Variants in SOX6 observed in about 807,000 individuals in gnomAD.
The protein encoded by SOX6 is SRY-box transcription factor 6, also known as transcription factor SOX-6.
A neutral mutation model predicts 97.8 loss-of-function variants in SOX6; 11 were observed. The ratio of observed to expected loss-of-function variants is 0.11; its 90% CI spans 0.07 to 0.19. The LOEUF (loss-of-function observed/expected upper bound fraction) is 0.19. SOX6 is among the 10% of genes least tolerant of loss of function. The probability of loss-of-function intolerance (pLI) is 1.00; values close to 1 mark genes in which losing one functional copy is unlikely to be tolerated. For missense variants in SOX6, 810 were observed against 1,039.5 expected (o/e 0.78, Z 3.04); for synonymous variants, 360 against 371.4 (o/e 0.97, Z 0.35).
At chr11:16,416,428 G>T (rs7945099) in intron 1 of SOX6, among the ~76,000 whole-genome samples, 6 of 151,866 alleles carry the variant, frequency 4.0e-5, no homozygotes, top group African/African-American at 1.2e-4. Flanking sequence ...ACATTTTAGA[G>T]GATTCCACTA....
intron 4 of SOX6, among the ~76,000 whole-genome samples, chr11:16,546,847 T>C (rs1467264508): frequency 6.6e-6 from 1 of 152,128 alleles, no homozygotes; most frequent in Non-Finnish European, 1.5e-5. Context: ...GGAGAAAATA[T>C]TTGCAAACTA....
chr11:16,237,857 GT>G (rs1170800488), intron 3 of SOX6, among the ~76,000 whole-genome samples: 1 of 151,896 alleles, frequency 6.6e-6, no homozygotes, highest in Non-Finnish European at 1.5e-5. Flanking sequence ...CAAGTTTAAT[GT>G]CTTTAAGTTG....
At chr11:16,055,612 T>C (rs1847794874) in intron 10 of SOX6, 140 bp downstream of exon 10, 1 of 966,578 alleles carries the variant, frequency 1.0e-6, no homozygotes, top group Non-Finnish European at 1.6e-6. Context: ...AATTATGAAA[T>C]TTACCATAAA....
At chr11:16,603,805 G>T (rs1848299633) in intron 4 of SOX6, among the ~76,000 whole-genome samples, 1 of 152,038 alleles carries the variant, frequency 6.6e-6, no homozygotes, top group Non-Finnish European at 1.5e-5. Context: ...GATAAAATAG[G>T]AAGAGAAGAA....
At chr11:16,108,884 C>T (rs1590201810) in intron 7 of SOX6, among the ~76,000 whole-genome samples, 3 of 152,234 alleles carry the variant, frequency 2.0e-5, no homozygotes, top group African/African-American at 7.2e-5. Context: ...ACTGTCTTAA[C>T]ATGGATTCAG....
chr11:16,046,434 T>C (rs1389187078), intron 12 of SOX6, 80 bp downstream of exon 12: 33 of 1,501,912 alleles, frequency 2.2e-5, no homozygotes, highest in Non-Finnish European at 3.0e-5. Context: ...TGCAGGTTGA[T>C]ACCTGGGAGC....
chr11:16,374,878 C>T (rs946122522), intron 1 of SOX6, among the ~76,000 whole-genome samples: 1 of 152,024 alleles, frequency 6.6e-6, no homozygotes, highest in Non-Finnish European at 1.5e-5. Context: ...TCTTTCCCAT[C>T]TCACTCTTCA....
intron 3 of SOX6, among the ~76,000 whole-genome samples, chr11:16,280,066 T>C (rs1854509376): frequency 6.6e-6 from 1 of 152,078 alleles, no homozygotes; most frequent in South Asian, 2.1e-4. Context: ...AATGACTTAA[T>C]CAAAAAAGGC....
chr11:16,504,638 G>A (rs909096836), intron 4 of SOX6, among the ~76,000 whole-genome samples: 1 of 152,074 alleles, frequency 6.6e-6, no homozygotes, highest in African/African-American at 2.4e-5. Context: ...AATTAATATT[G>A]TTAAAATAAC....
chr11:16,310,830 T>G (rs1487007975), intron 3 of SOX6, among the ~76,000 whole-genome samples: 3 of 152,112 alleles, frequency 2.0e-5, no homozygotes, highest in Non-Finnish European at 4.4e-5. Flanking sequence ...CAATATAACT[T>G]TCAATCAGAA....
At position 16,425,560 on chromosome 11, in the gene SOX6, GA is replaced by G. The variant is rs917698267; in HGVS notation, c.-5+50754del. Among the ~76,000 whole-genome samples, 18 of 152,074 alleles carry G rather than the reference GA, an allele frequency of 1.2e-4. 1 individual carries two copies. The highest frequency in any genetic ancestry group is 6.5e-5 in the Admixed American group (1 of 15,270). On this transcript the variant is annotated intron_variant, in intron 1 of 15. Coordinates refer to the SOX6 transcript ENST00000396356. ...TACAGACAACATGATCCTACATCTA[GA>G]AAAAAACCCATTGTCTTAGCCCAAA... is the stretch of plus-strand genomic sequence containing the variant.
At chr11:16,188,538 G>T (rs7112473) in intron 4 of SOX6, among the ~76,000 whole-genome samples, 83,338 of 151,964 alleles carry the variant, frequency 0.55, 23,264 homozygotes, top group East Asian at 0.75. Flanking sequence ...AGATCCATAA[G>T]ATCTCTTGAA....
At chr11:16,630,538 A>G (rs1171253808) in intron 3 of SOX6, among the ~76,000 whole-genome samples, 1 of 151,792 alleles carries the variant, frequency 6.6e-6, no homozygotes, top group East Asian at 1.9e-4. Context: ...TATGTTCTAC[A>G]TGCAGATGAG....
At chr11:16,528,258 G>C (rs946740698) in intron 4 of SOX6, among the ~76,000 whole-genome samples, 6 of 152,072 alleles carry the variant, frequency 3.9e-5, no homozygotes, top group Non-Finnish European at 5.9e-5. Flanking sequence ...GAAGAAATAA[G>C]TACAATATGT....
rs372386265 is a variant in SOX6, at chr11:16,700,942, C to A, written n.429+13888G>T. Among the ~76,000 whole-genome samples the A allele has an allele frequency of 7.2e-5, 11 of 152,278 alleles. No homozygotes were observed. The East Asian group carries it at 1.9e-3, about 27-fold the overall frequency. On this transcript the variant is annotated intron_variant and non_coding_transcript_variant, in intron 3 of 5. Transcript: ENST00000524520. ...GGGCCATAAGGTATGTGGTATCAAT[C>A]CCTAGGTCCTAGTTTAAAAAAATAT...
At chr11:16,272,289 C>T (rs1353562433) in intron 3 of SOX6, among the ~76,000 whole-genome samples, 2 of 151,418 alleles carry the variant, frequency 1.3e-5, no homozygotes, top group Non-Finnish European at 3.0e-5. Context: ...ACTTTAAGAA[C>T]ACAGAAACCA....
chr11:16,643,606 A>C (rs1848961070), intron 3 of SOX6, among the ~76,000 whole-genome samples: 1 of 152,168 alleles, frequency 6.6e-6, no homozygotes, highest in African/African-American at 2.4e-5. Context: ...CTCAAGCCTC[A>C]GCAATGGCAG....
chr11:16,352,386 G>A (rs1856972795), intron 1 of SOX6, among the ~76,000 whole-genome samples: 1 of 152,012 alleles, frequency 6.6e-6, no homozygotes, highest in Admixed American at 6.6e-5. Context: ...CAGGCACTGT[G>A]CTAAGCACTG....
intron 6 of SOX6, among the ~76,000 whole-genome samples, chr11:16,156,948 C>T (rs1037271001): frequency 6.6e-6 from 1 of 151,952 alleles, no homozygotes. Flanking sequence ...CAGTCTCTAT[C>T]TTCCCAAACT....
Sources: allele counts gnomAD v4.1 joint callset (sites outside exome capture counted in the v4.1 genomes callset), GRCh38; gene constraint gnomAD v4.1.1; transcripts MANE v1.5; gene names NCBI Gene and HGNC (gene_info 2026-07-23, HGNC 2026-07-21).